RIT2: variants seen among roughly 807,000 people sequenced by gnomAD.
RIT2 encodes GTP-binding protein Rit2.
RIT2 carries 24 observed loss-of-function variants against 23.7 expected under a neutral mutation model. That is an observed-to-expected ratio of 1.01 (90% CI 0.73 to 1.43). RIT2 has a LOEUF of 1.43. Ranked by LOEUF, RIT2 falls within the 40% of genes most tolerant of loss-of-function variation. The pLI, the probability that RIT2 is intolerant of heterozygous loss-of-function variation, is 0.00. For missense variants in RIT2, 236 were observed against 266.9 expected, an observed-to-expected ratio of 0.88 and a Z score of 0.81; for synonymous variants, 107 against 91.1, an observed-to-expected ratio of 1.17 and a Z score of -0.99.
rs184423640 is a variant in RIT2 at position 43,036,837 on chromosome 18, T to C, written c.104-2970A>G. On this transcript the variant is annotated intron_variant, in intron 1 of 4. Transcript: ENST00000326695. The stretch of plus-strand genomic sequence containing the variant: ...TAGGACATCTAACAGGCATTTCCAT[T>C]TGGGGGAGATAATTTATAAAAAACA... Among the ~76,000 whole-genome samples the C allele has an allele frequency of 2.7e-3, 406 of 152,258 alleles. 3 individuals carry two copies. The highest frequency in any genetic ancestry group is 9.1e-3 in the African/African-American group (378 of 41,560).
At chr18:43,047,544 T>A (rs1912277134) in intron 1 of RIT2, among the ~76,000 whole-genome samples, 1 of 152,102 alleles carries the variant, frequency 6.6e-6, no homozygotes, top group African/African-American at 2.4e-5. Context: ...TGCTTGCATT[T>A]TTCTCTTGAT....
chr18:43,021,152 A>G (rs1387187198), intron 2 of RIT2, among the ~76,000 whole-genome samples: 1 of 152,116 alleles, frequency 6.6e-6, no homozygotes, highest in African/African-American at 2.4e-5. Flanking sequence ...AATGAACTCA[A>G]AAAACTCAAT....
At chr18:42,751,841 TATC>T (rs1267263798) in intron 4 of RIT2, among the ~76,000 whole-genome samples, 2 of 152,044 alleles carry the variant, frequency 1.3e-5, no homozygotes, top group Non-Finnish European at 2.9e-5. Flanking sequence ...CCTTAAAAAT[TATC>T]ATCAGATCAG....
chr18:43,025,135 G>A (rs1268577242), intron 2 of RIT2, among the ~76,000 whole-genome samples: 2 of 151,710 alleles, frequency 1.3e-5, no homozygotes, highest in African/African-American at 4.8e-5. Context: ...TTGAACCCAG[G>A]AGGCCGAGGT....
chr18:42,990,914 T>TTC, intron 2 of RIT2, among the ~76,000 whole-genome samples: 1 of 148,394 alleles, frequency 6.7e-6, no homozygotes, highest in Admixed American at 6.7e-5. Flanking sequence ...CTGGTTTTGT[T>TTC]TTTTTTTTTT....
At chr18:43,080,903 A>G (rs1254856749) in intron 1 of RIT2, among the ~76,000 whole-genome samples, 1 of 152,164 alleles carries the variant, frequency 6.6e-6, no homozygotes, top group African/African-American at 2.4e-5. Flanking sequence ...CCAAACTAGG[A>G]CACTTTTGAG....
Position 42,918,904 on chromosome 18 carries a change from T to C in RIT2, c.426+4668A>G, listed in dbSNP as rs377393817. Among the ~76,000 whole-genome samples, 14 of 152,312 alleles carry C rather than the reference T, an allele frequency of 9.2e-5. No homozygotes were observed. The East Asian group carries it at 1.4e-3, about 15-fold the overall frequency. ...TTACTTGGTCAAGATATTCATCCAT[T>C]CATTCAGTATCTTCGTTCTTCAAAT... is the stretch of plus-strand genomic sequence containing the variant. On this transcript the variant is annotated intron_variant, in intron 4 of 4. Transcript: ENST00000326695.
chr18:42,794,860 A>C (rs1914120885), intron 4 of RIT2, among the ~76,000 whole-genome samples: 1 of 152,260 alleles, frequency 6.6e-6, no homozygotes, highest in African/African-American at 2.4e-5. Context: ...AATAATGCAC[A>C]ATAAAAATGA....
chr18:42,920,713 C>T, intron 4 of RIT2: 1 of 1,595,102 alleles, frequency 6.3e-7, no homozygotes, highest in African/African-American at 1.3e-5. Flanking sequence ...TGAAAAGAAG[C>T]AGCTTCAACC....
At chr18:42,934,059 T>G (rs1464731774) in intron 3 of RIT2, among the ~76,000 whole-genome samples, 1 of 148,010 alleles carries the variant, frequency 6.8e-6, no homozygotes, top group African/African-American at 2.5e-5. Context: ...AAAAGAAACC[T>G]CTTTCCTTTA....
At chr18:42,883,156 G>A (rs1414758775) in intron 4 of RIT2, among the ~76,000 whole-genome samples, 2 of 152,104 alleles carry the variant, frequency 1.3e-5, no homozygotes, top group Non-Finnish European at 2.9e-5. Context: ...GCGTGTGTGT[G>A]TGTGTCTGAT....
chr18:43,102,623 G>T (rs1334482763), intron 1 of RIT2, among the ~76,000 whole-genome samples: 1 of 150,978 alleles, frequency 6.6e-6, no homozygotes, highest in Non-Finnish European at 1.5e-5. Context: ...TGCATGCTCA[G>T]TTTTTTTTAA....
chr18:43,075,077 T>A (rs1912982095), intron 1 of RIT2, among the ~76,000 whole-genome samples: 1 of 152,020 alleles, frequency 6.6e-6, no homozygotes, highest in African/African-American at 2.4e-5. Flanking sequence ...AATAAAAATT[T>A]TAAAAGACTC....
intron 4 of RIT2, among the ~76,000 whole-genome samples, chr18:42,832,963 A>AGAATCACT (rs1906501199): frequency 6.7e-6 from 1 of 150,234 alleles, no homozygotes; most frequent in Non-Finnish European, 1.5e-5. Flanking sequence ...CTGAGGCAGG[A>AGAATCACT]GAATCACTTG....
chr18:43,069,397 T>A (rs189647756), intron 1 of RIT2, among the ~76,000 whole-genome samples: 2 of 152,286 alleles, frequency 1.3e-5, no homozygotes, highest in East Asian at 3.9e-4. Flanking sequence ...ATCCAAGAAC[T>A]CTCTTTTGGG....
At chr18:43,104,604 G>C (rs1210480888) in intron 1 of RIT2, among the ~76,000 whole-genome samples, 1 of 151,958 alleles carries the variant, frequency 6.6e-6, no homozygotes, top group Non-Finnish European at 1.5e-5. Flanking sequence ...CCAGACTTCT[G>C]TTACTCAGAA....
chr18:42,916,936 C>A (rs1908926115), intron 4 of RIT2, among the ~76,000 whole-genome samples: 1 of 152,068 alleles, frequency 6.6e-6, no homozygotes, highest in South Asian at 2.1e-4. Context: ...AGAGTCTTTA[C>A]CAAACTAGTG....
chr18:42,963,843 C>G (rs1188837330), intron 3 of RIT2, among the ~76,000 whole-genome samples: 1 of 152,136 alleles, frequency 6.6e-6, no homozygotes, highest in Non-Finnish European at 1.5e-5. Context: ...TTGCAGTGAG[C>G]TGATATTGCA....
intron 1 of RIT2, among the ~76,000 whole-genome samples, chr18:43,062,751 C>A (rs1568071180): frequency 6.6e-6 from 1 of 152,060 alleles, no homozygotes; most frequent in African/African-American, 2.4e-5. Context: ...AAAATGACCA[C>A]ATGTTTAAGT....
Sources: allele counts gnomAD v4.1 joint callset (sites outside exome capture counted in the v4.1 genomes callset), GRCh38; gene constraint gnomAD v4.1.1; transcripts MANE v1.5; gene names NCBI Gene and HGNC (gene_info 2026-07-23, HGNC 2026-07-21).